Variants in TP53BP1 observed in about 807,000 individuals in gnomAD.
TP53BP1 encodes the protein tumor protein p53 binding protein 1, also known as TP53-binding protein 1.
A neutral mutation model predicts 200.8 loss-of-function variants in TP53BP1; 61 were observed. The ratio of observed to expected loss-of-function variants is 0.30; its 90% CI spans 0.25 to 0.38. TP53BP1 has a LOEUF of 0.38. TP53BP1 is among the 10% of genes least tolerant of loss of function. The pLI is 1.00. For synonymous variants in TP53BP1, 822 were observed against 844.3 expected (o/e 0.97, Z 0.46); for missense variants, 2,144 against 2,371.9 (o/e 0.90, Z 2.00).
intron 16 of TP53BP1, among the ~76,000 whole-genome samples, chr15:43,435,077 A>G (rs951270541): frequency 1.3e-5 from 2 of 151,986 alleles, no homozygotes; most frequent in Admixed American, 6.6e-5. Flanking sequence ...CCTGGCCAAC[A>G]CGGCAAAACC....
At chr15:43,440,529 A>AC (rs2045903596) in intron 15 of TP53BP1, among the ~76,000 whole-genome samples, 1 of 151,256 alleles carries the variant, frequency 6.6e-6, no homozygotes, top group African/African-American at 2.4e-5. Flanking sequence ...AAAAAAACAA[A>AC]AAAAAAACAC....
intron 1 of TP53BP1, among the ~76,000 whole-genome samples, chr15:43,502,403 C>T (rs531012685): frequency 3.9e-5 from 6 of 152,138 alleles, no homozygotes; most frequent in Admixed American, 6.6e-5. Context: ...GTTTCAGGTG[C>T]TCCACATTCT....
chr15:43,426,417 G>C (rs1305378748), intron 18 of TP53BP1, among the ~76,000 whole-genome samples: 1 of 128,704 alleles, frequency 7.8e-6, no homozygotes, highest in Middle Eastern at 4.5e-3. Flanking sequence ...TCCAACCTGG[G>C]CAACAGAGTG....
intron 27 of TP53BP1, 86 bp from the exon 28 acceptor site, chr15:43,407,656 A>G (rs189255143): frequency 9.8e-5 from 128 of 1,304,968 alleles, no homozygotes; most frequent in Admixed American, 3.8e-4. Flanking sequence ...TAACCAATAC[A>G]TCCCACTCTG....
rs398043214 is a variant in TP53BP1 at position 43,474,455 on chromosome 15, C to CAAAA, written c.1180+214_1180+217dup. Among the ~76,000 whole-genome samples, 443 of 79,100 alleles carry CAAAA rather than the reference C, an allele frequency of 5.6e-3. 7 individuals carry two copies. The highest frequency in any genetic ancestry group is 9.4e-3 in the Non-Finnish European group (307 of 32,760). 51.9% of individuals were successfully genotyped at this position (79,100 alleles called of 152,430 possible). A position where few individuals can be genotyped will look rare whatever the true frequency, so the allele number is the denominator to read the frequency against. On this transcript the variant is annotated intron_variant, in intron 10 of 27. Coordinates refer to ENST00000382044, the MANE Select transcript of TP53BP1 (RefSeq NM_001141980.3). The stretch of plus-strand genomic sequence containing the variant: ...GCTGTCACCTCTCAATGGGGTTAGA[C>CAAAA]AAAAAAAAAAAAAAAAAAAGGAAGG...
chr15:43,416,468 C>T (rs757249377), intron 21 of TP53BP1, 52 bp from the exon 22 acceptor site: 5 of 1,558,812 alleles, frequency 3.2e-6, no homozygotes, highest in East Asian at 2.2e-5. Flanking sequence ...GGCTCCTTAG[C>T]ACCCTCTCAC....
chr15:43,507,410 C>T (rs1246166133), intron 1 of TP53BP1, among the ~76,000 whole-genome samples: 3 of 152,218 alleles, frequency 2.0e-5, no homozygotes, highest in African/African-American at 7.2e-5. Flanking sequence ...GTTGGGATTA[C>T]AGGCGTGAGC....
intron 10 of TP53BP1, among the ~76,000 whole-genome samples, chr15:43,472,780 C>T (rs1472177090): frequency 6.6e-6 from 1 of 152,072 alleles, no homozygotes; most frequent in East Asian, 1.9e-4. Context: ...CCTTCAGAGC[C>T]TTTTTAAAAA....
chr15:43,430,223 T>C (rs983161562), intron 17 of TP53BP1, among the ~76,000 whole-genome samples: 3 of 152,032 alleles, frequency 2.0e-5, no homozygotes, highest in African/African-American at 7.2e-5. Context: ...ATTTCAGGAG[T>C]GTCAAAGTAG....
chr15:43,413,011 C>T, intron 24 of TP53BP1, 108 bp downstream of exon 24: 1 of 1,010,536 alleles, frequency 9.9e-7, no homozygotes. Context: ...CCAGTTGCTA[C>T]TTGCCTTGCC....
intron 16 of TP53BP1, among the ~76,000 whole-genome samples, chr15:43,437,904 G>A (rs141472776): frequency 4.6e-5 from 7 of 152,342 alleles, no homozygotes; most frequent in African/African-American, 1.7e-4. Flanking sequence ...TCATGGTTCT[G>A]AATGCTGAAA....
chr15:43,451,519 A>G (rs1223696349), intron 12 of TP53BP1, among the ~76,000 whole-genome samples: 1 of 152,100 alleles, frequency 6.6e-6, no homozygotes, highest in African/African-American at 2.4e-5. Flanking sequence ...CGAACTCATC[A>G]TTTTTTATGG....
At chr15:43,435,934 G>T (rs760881148) in intron 16 of TP53BP1, among the ~76,000 whole-genome samples, 2 of 151,520 alleles carry the variant, frequency 1.3e-5, no homozygotes, top group Non-Finnish European at 2.9e-5. Flanking sequence ...GGCCTCAAGT[G>T]GTCACCCCTC....
chr15:43,480,092 A>C, intron 5 of TP53BP1, 75 bp from the exon 6 acceptor site: 1 of 1,418,710 alleles, frequency 7.0e-7, no homozygotes, highest in East Asian at 2.4e-5. Flanking sequence ...TCCTCAGCAA[A>C]GGAGGGTCCC....
rs28903076 is a variant in TP53BP1 at position 43,422,000 on chromosome 15, G to A, written c.3955C>T (p.Arg1319Cys). 1.0e-3 allele frequency: 1,615 copies of A among 1,614,172 alleles called. 1 individual carries two copies. The highest frequency in any genetic ancestry group is 1.3e-3 in the Non-Finnish European group (1,559 of 1,180,032). Residue 1319 changes from arginine (R) to cysteine (C), a missense_variant, in exon 19 of 28, where the codon CGC (arginine) becomes TGC (cysteine). Arg to Cys is a radical substitution (Grantham distance 180). Around this residue, in one of 4 missense-constraint regions of TP53BP1, gnomAD observed 1,700 missense variants for 1,710.3 expected, o/e 0.99. Coordinates refer to ENST00000382044, the MANE Select transcript of TP53BP1 (RefSeq NM_001141980.3). ...SFSSKASSLH[R>C]TSSGTSLSAM... Reference sequence around the variant, plus strand: ...GAGAGACTTGTCCCACTTGATGTGCGGTGTAAGCTGGATGCCTTGGAGGAG... The same window carrying A: ...GAGAGACTTGTCCCACTTGATGTGCAGTGTAAGCTGGATGCCTTGGAGGAG...
intron 14 of TP53BP1, 136 bp downstream of exon 14, chr15:43,446,251 G>A (rs1297842369): frequency 1.4e-6 from 1 of 703,032 alleles, no homozygotes; most frequent in Non-Finnish European, 2.3e-6. Flanking sequence ...CAAAAGCAAA[G>A]AATTAAATCT....
intron 1 of TP53BP1, chr15:43,510,366 T>A (rs541021894): frequency 6.6e-6 from 1 of 152,458 alleles, no homozygotes; most frequent in South Asian, 2.0e-4. Context: ...GAATAACAAC[T>A]CACCAGGGAC....
chr15:43,459,108 C>CAGGCA (rs2046369491), intron 11 of TP53BP1, among the ~76,000 whole-genome samples: 1 of 152,148 alleles, frequency 6.6e-6, no homozygotes, highest in Admixed American at 6.5e-5. Context: ...GAGGCCAAGA[C>CAGGCA]AGGCAGATCT....
chr15:43,499,709 C>T (rs2079199885), intron 1 of TP53BP1, among the ~76,000 whole-genome samples: 1 of 152,168 alleles, frequency 6.6e-6, no homozygotes, highest in South Asian at 2.1e-4. Flanking sequence ...TCAGAAAACC[C>T]ATAAAACTGA....
Sources: gnomAD v4.1 joint callset for allele counts (sites outside exome capture counted in the v4.1 genomes callset) on GRCh38, gnomAD v4.1.1 for gene constraint, gnomAD v4.1.1 regional missense constraint, MANE v1.5 for transcripts, NCBI Gene and HGNC (gene_info 2026-07-23, HGNC 2026-07-21) for gene names.